PARD3B: variants seen among roughly 807,000 people sequenced by gnomAD.
PARD3B encodes the protein par-3 family cell polarity regulator beta.
Under a neutral mutation model 130.2 loss-of-function variants are expected in PARD3B, and 103 were observed. That is an observed-to-expected ratio of 0.79 (90% CI 0.67 to 0.93). PARD3B has a LOEUF of 0.93. Among genes scored for constraint, PARD3B ranks in the 40% least tolerant of loss-of-function variants. PARD3B has a pLI of 0.00. For synonymous variants in PARD3B, 583 were observed against 553.2 expected, an observed-to-expected ratio of 1.05 and a Z score of -0.76; for missense variants, 1,609 against 1,499.2, an observed-to-expected ratio of 1.07 and a Z score of -1.21.
Position 204,634,820 on chromosome 2 carries a change from A to G in PARD3B, c.121-51361A>G, listed in dbSNP as rs371611332. Among the ~76,000 whole-genome samples the G allele has an allele frequency of 9.2e-5, 14 of 152,230 alleles. No homozygotes were observed. In the South Asian group the frequency reaches 1.2e-3, roughly 14 times the overall value. On this transcript the variant is annotated intron_variant, in intron 1 of 22. Coordinates refer to ENST00000406610, the MANE Select transcript of PARD3B (RefSeq NM_001302769.2). ...CCATAGATGATCATCGCTTAGGTCT[A>G]TTATTTCATTGGGGGCTCACAAGAT... is the stretch of plus-strand genomic sequence containing the variant.
At chr2:205,234,062 G>A (rs930109865) in intron 15 of PARD3B, among the ~76,000 whole-genome samples, 6 of 152,114 alleles carry the variant, frequency 3.9e-5, no homozygotes, top group Non-Finnish European at 5.9e-5. Flanking sequence ...GAACAGATAG[G>A]ACAACAGCAA....
chr2:204,957,829 T>A (rs1029162866), intron 2 of PARD3B, among the ~76,000 whole-genome samples: 3 of 152,200 alleles, frequency 2.0e-5, no homozygotes, highest in Non-Finnish European at 2.9e-5. Flanking sequence ...ATTGTTGTAA[T>A]TTCACAGTCT....
At chr2:205,400,426 G>A (rs774934872) in intron 18 of PARD3B, among the ~76,000 whole-genome samples, 1 of 151,846 alleles carries the variant, frequency 6.6e-6, no homozygotes, top group Non-Finnish European at 1.5e-5. Flanking sequence ...AGATCACTTG[G>A]GGCCAGAAGT....
Position 205,318,044 on chromosome 2 carries a change from G to C in PARD3B, c.2630+16343G>C, listed in dbSNP as rs142744119. On this transcript the variant is annotated intron_variant, in intron 18 of 22. Coordinates refer to ENST00000406610, the MANE Select transcript of PARD3B (RefSeq NM_001302769.2). The stretch of plus-strand genomic sequence containing the variant: ...AAAAGAAAGAGCTGGAGGGAACATC[G>C]ACCAGAAATAATGGTTGCAACTTTG... Among the ~76,000 whole-genome samples the C allele has an allele frequency of 8.5e-5, 13 of 152,128 alleles. No homozygotes were observed. In the East Asian group the frequency reaches 2.3e-3, roughly 27 times the overall value.
At chr2:205,503,349 T>C (rs1422431909) in intron 21 of PARD3B, among the ~76,000 whole-genome samples, 2 of 152,080 alleles carry the variant, frequency 1.3e-5, no homozygotes, top group Non-Finnish European at 2.9e-5. Flanking sequence ...AGGAAAACTA[T>C]AGAGACATTT....
chr2:205,211,082 T>C (rs2037607303), intron 15 of PARD3B, among the ~76,000 whole-genome samples: 1 of 152,108 alleles, frequency 6.6e-6, no homozygotes, highest in Non-Finnish European at 1.5e-5. Flanking sequence ...TTCAGATTTA[T>C]TTATGATAAA....
chr2:205,247,143 A>G (rs2039607179), intron 16 of PARD3B, among the ~76,000 whole-genome samples: 1 of 152,182 alleles, frequency 6.6e-6, no homozygotes, highest in Non-Finnish European at 1.5e-5. Context: ...CAAAAAGTTG[A>G]AGTCCTTTTC....
Position 205,530,208 on chromosome 2 carries a change from A to G in PARD3B, c.3181-23116A>G, listed in dbSNP as rs1230971038. ...GTAAACCAAAAGTTCTCTCCGCCAC[A>G]TTTATGTTTCTAGTGAAGTTTGGAG... is the stretch of plus-strand genomic sequence containing the variant. On this transcript the variant is annotated intron_variant, in intron 21 of 22. Coordinates refer to ENST00000406610, the MANE Select transcript of PARD3B (RefSeq NM_001302769.2). This position sits in a 1 kb window ranked among gnomAD's most constrained non-coding sequence, Gnocchi z 4.7. Among the ~76,000 whole-genome samples the G allele has an allele frequency of 6.6e-6, 1 of 152,148 alleles. No individual in the cohort carries two copies. The highest frequency in any genetic ancestry group is 1.5e-5 in the Non-Finnish European group (1 of 68,030).
chr2:205,145,847 T>C (rs552885312), intron 10 of PARD3B, among the ~76,000 whole-genome samples: 1 of 150,862 alleles, frequency 6.6e-6, no homozygotes, highest in East Asian at 1.9e-4. Flanking sequence ...AAAACACCTT[T>C]TCCCCCAGAT....
chr2:205,205,525 G>A (rs1049380300), intron 15 of PARD3B, among the ~76,000 whole-genome samples: 1 of 152,120 alleles, frequency 6.6e-6, no homozygotes, highest in South Asian at 2.1e-4. Flanking sequence ...TCTTGTGCCA[G>A]TTTTCAAAGG....
chr2:205,488,754 G>C (rs2049547426), intron 20 of PARD3B, among the ~76,000 whole-genome samples: 1 of 152,102 alleles, frequency 6.6e-6, no homozygotes, highest in African/African-American at 2.4e-5. Flanking sequence ...AATCAACTCA[G>C]TTCATGTTCA....
At chr2:205,302,097 C>T (rs1453808930) in intron 18 of PARD3B, among the ~76,000 whole-genome samples, 1 of 91,742 alleles carries the variant, frequency 1.1e-5, no homozygotes, top group Non-Finnish European at 2.0e-5. Flanking sequence ...TTGAGACAGT[C>T]GCGCTTTGTC....
At chr2:205,596,029 C>T (rs2054558284) in intron 22 of PARD3B, among the ~76,000 whole-genome samples, 1 of 152,136 alleles carries the variant, frequency 6.6e-6, no homozygotes. Context: ...ATTTTACCAG[C>T]ATCAAAGGCA....
chr2:205,468,751 C>A (rs535354971), intron 20 of PARD3B, among the ~76,000 whole-genome samples: 1 of 152,140 alleles, frequency 6.6e-6, no homozygotes, highest in Non-Finnish European at 1.5e-5. Context: ...TTATTTGATC[C>A]ATTGTGCTTT....
chr2:205,404,286 T>C (rs1264191882), intron 19 of PARD3B, among the ~76,000 whole-genome samples: 2 of 152,340 alleles, frequency 1.3e-5, no homozygotes, highest in Admixed American at 1.3e-4. Context: ...GCAAATGAAG[T>C]GATGTGTAGG....
intron 3 of PARD3B, among the ~76,000 whole-genome samples, chr2:204,977,142 T>C (rs768406223): frequency 6.6e-6 from 1 of 152,214 alleles, no homozygotes; most frequent in Non-Finnish European, 1.5e-5. Context: ...CAGAATAGTA[T>C]AATTACCACA....
At chr2:204,836,607 G>A (rs549335493) in intron 2 of PARD3B, among the ~76,000 whole-genome samples, 171 of 152,274 alleles carry the variant, frequency 1.1e-3, no homozygotes, top group Middle Eastern at 3.4e-3. Context: ...AAGTTGGTGC[G>A]CCAAGATCGT....
chr2:205,205,435 A>G (rs928657864), intron 15 of PARD3B, among the ~76,000 whole-genome samples: 32 of 152,114 alleles, frequency 2.1e-4, no homozygotes, highest in Non-Finnish European at 3.4e-4. Context: ...AATACCCTTT[A>G]TTTTTTTCTC....
Position 204,913,390 on chromosome 2 carries a change from T to A in PARD3B, c.223-51762T>A, listed in dbSNP as rs917510920. Among the ~76,000 whole-genome samples, 119 of 152,176 alleles carry A rather than the reference T, an allele frequency of 7.8e-4. 7 individuals are homozygous for A. The highest frequency in any genetic ancestry group is 2.9e-5 in the Non-Finnish European group (2 of 68,026). ...TCAATTGATGACAGTGCTGACCTTA[T>A]ATGACTTTTGAGACGATTGTGAGAT... On this transcript the variant is annotated intron_variant, in intron 2 of 22. Transcript: ENST00000406610.
Sources: gnomAD v4.1 joint callset for allele counts (sites outside exome capture counted in the v4.1 genomes callset) on GRCh38, gnomAD v4.1.1 for gene constraint, Gnocchi (gnomAD v3.1) non-coding constraint, MANE v1.5 for transcripts, NCBI Gene and HGNC (gene_info 2026-07-23, HGNC 2026-07-21) for gene names.